Variants in MTAP observed in about 807,000 individuals in gnomAD.
The protein encoded by MTAP is S-methyl-5'-thioadenosine phosphorylase.
In MTAP, 33 loss-of-function variants were observed where a neutral mutation model predicts 33.6. The ratio of observed to expected loss-of-function variants is 0.98; its 90% CI spans 0.74 to 1.31. MTAP has a LOEUF of 1.31. MTAP is among the 40% of genes most tolerant of loss of function. The pLI is 0.00. For missense variants in MTAP, 367 were observed against 360.0 expected (o/e 1.02, Z -0.16); for synonymous variants, 148 against 125.7 (o/e 1.18, Z -1.19).
At chr9:21,874,031 T>A (rs1353436353) in intron 1 of MTAP, among the ~76,000 whole-genome samples, 1 of 152,154 alleles carries the variant, frequency 6.6e-6, no homozygotes, top group African/African-American at 2.4e-5. Flanking sequence ...CACATCGGAA[T>A]GTGATGATGT....
chr9:21,891,618 G>C (rs1163472204), intron 1 of MTAP, among the ~76,000 whole-genome samples: 1 of 152,136 alleles, frequency 6.6e-6, no homozygotes, highest in Non-Finnish European at 1.5e-5. Context: ...AAGAAATGTG[G>C]GGTTATATAA....
At chr9:21,819,710 C>T (rs1007655558) in intron 4 of MTAP, among the ~76,000 whole-genome samples, 5 of 152,144 alleles carry the variant, frequency 3.3e-5, no homozygotes, top group Non-Finnish European at 7.3e-5. Flanking sequence ...CATGAGAAAT[C>T]GCCACACTGT....
At chr9:21,906,968 A>G (rs928990043) in intron 1 of MTAP, among the ~76,000 whole-genome samples, 5 of 152,252 alleles carry the variant, frequency 3.3e-5, no homozygotes, top group African/African-American at 1.2e-4. Flanking sequence ...AAACTGAAAG[A>G]TGAACCCAGT....
intron 1 of MTAP, among the ~76,000 whole-genome samples, chr9:21,899,229 G>A (rs1460637408): frequency 1.9e-5 from 2 of 107,250 alleles, no homozygotes; most frequent in African/African-American, 7.4e-5. Context: ...ACCGGGGCCT[G>A]TTGTGGGGTG....
intron 4 of MTAP, among the ~76,000 whole-genome samples, chr9:21,826,691 A>C (rs940424478): frequency 6.6e-6 from 1 of 151,540 alleles, no homozygotes; most frequent in African/African-American, 2.4e-5. Context: ...TACCCCCCCA[A>C]AAAAACAACA....
chr9:21,813,840 T>C (rs941913897), intron 1 of MTAP: 2 of 152,212 alleles, frequency 1.3e-5, no homozygotes, highest in Non-Finnish European at 2.9e-5. Context: ...GAATGAAGGA[T>C]AAGATGGAGA....
intron 4 of MTAP, among the ~76,000 whole-genome samples, chr9:21,833,437 G>T (rs1473784019): frequency 6.6e-6 from 1 of 152,102 alleles, no homozygotes; most frequent in Non-Finnish European, 1.5e-5. Context: ...CACCCACCTT[G>T]GCCTCCTAAA....
intron 4 of MTAP, among the ~76,000 whole-genome samples, chr9:21,818,653 G>C (rs907043710): frequency 6.6e-6 from 1 of 152,006 alleles, no homozygotes; most frequent in Non-Finnish European, 1.5e-5. Context: ...GTGAGTTTTT[G>C]TTTTTTAATT....
At position 21,817,353 on chromosome 9, in the gene MTAP, G is replaced by A. The variant is rs950126461; in HGVS notation, c.179+581G>A. Among the ~76,000 whole-genome samples, 6 of 151,980 alleles carry A rather than the reference G, an allele frequency of 3.9e-5. No homozygotes were observed. In the East Asian group the frequency reaches 1.2e-3, roughly 30 times the overall value. On this transcript the variant is annotated intron_variant, in intron 3 of 7. Transcript: ENST00000644715. ...ACACATCATCTCCTAGTTCCTGTTG[G>A]TCAGAAGTCTGGCACAGCTTAGCCA...
At chr9:21,825,768 G>A (rs1288467178) in intron 4 of MTAP, among the ~76,000 whole-genome samples, 1 of 152,206 alleles carries the variant, frequency 6.6e-6, no homozygotes, top group Non-Finnish European at 1.5e-5. Flanking sequence ...TTGAGCCTGG[G>A]AGGTCAAGGC....
chr9:21,854,741 C>CACCTGGGGGGCGG lies in MTAP; in HGVS notation c.563_575dup (p.Val193LeufsTer18). On this transcript the variant is annotated frameshift_variant, in exon 6 of 8. Coordinates refer to ENST00000644715, the MANE Select transcript of MTAP (RefSeq NM_002451.4). LOFTEE classifies it high-confidence loss of function. ...CCCGGGCAGAAAGCTTCATGTTCCGCACCTGGGGGGCGGATGTTATCAACA... is the reference window on the plus strand; with the variant it reads ...CCCGGGCAGAAAGCTTCATGTTCCGCACCTGGGGGGCGGACCTGGGGGGCGGATGTTATCAACA... The CACCTGGGGGGCGG allele has an allele frequency of 6.2e-7, 1 of 1,614,090 alleles. No individual in the cohort carries two copies. The highest frequency in any genetic ancestry group is 8.5e-7 in the Non-Finnish European group (1 of 1,179,972).
Position 21,802,713 on chromosome 9 carries a change from G to T in MTAP, c.-36G>T, listed in dbSNP as rs746744850. On this transcript the variant is annotated 5_prime_UTR_variant, in exon 1 of 8. Transcript: ENST00000644715. ...GCTCGCTTGGTTCCCTTAGTCCCGA[G>T]CGCTCGCCCACTGCAGATTCCTTTC... The T allele has an allele frequency of 1.2e-6, 2 of 1,608,800 alleles. No individual in the cohort carries two copies. Among genetic ancestry groups the T allele is most frequent in the Non-Finnish European group, 1.7e-6 (2 of 1,178,332 alleles).
intron 5 of MTAP, among the ~76,000 whole-genome samples, chr9:21,852,574 C>T (rs901105993): frequency 7.3e-5 from 11 of 150,014 alleles, no homozygotes; most frequent in Non-Finnish European, 1.2e-4. Flanking sequence ...AGAGGAGAAT[C>T]AGGGATAAAA....
At chr9:21,872,962 C>CA (rs946581755) in intron 1 of MTAP, among the ~76,000 whole-genome samples, 8 of 152,086 alleles carry the variant, frequency 5.3e-5, no homozygotes, top group Non-Finnish European at 1.0e-4. Flanking sequence ...TGACAGACAC[C>CA]AAAAGTCCAC....
chr9:21,885,047 A>G (rs902676143), intron 1 of MTAP, among the ~76,000 whole-genome samples: 30 of 152,108 alleles, frequency 2.0e-4, no homozygotes, highest in Admixed American at 1.8e-3. Context: ...AACTATCTCA[A>G]TGTGATGATA....
chr9:21,906,481 A>G (rs1465317742), intron 1 of MTAP, among the ~76,000 whole-genome samples: 2 of 152,078 alleles, frequency 1.3e-5, no homozygotes, highest in African/African-American at 4.8e-5. Flanking sequence ...CAGAGAGGGG[A>G]GAGAGGAGGA....
chr9:21,884,522 T>G (rs1156856059), intron 1 of MTAP, among the ~76,000 whole-genome samples: 1 of 152,214 alleles, frequency 6.6e-6, no homozygotes, highest in African/African-American at 2.4e-5. Context: ...CTGGATGCCT[T>G]AAACAACAAA....
In MTAP at chr9:21,885,016, G is replaced by A. The variant is rs535234995; in HGVS notation, c.147+30146G>A. 3.9e-5 allele frequency among the ~76,000 whole-genome samples: 6 copies of A among 152,228 alleles called. No homozygotes were observed. The South Asian group carries it at 1.2e-3, about 32-fold the overall frequency. ...ATGATAGAGAAAGAATATATGGTGG[G>A]AAGGGCTTTCAGGGTACCGGAACTA... is the stretch of plus-strand genomic sequence containing the variant. On this transcript the variant is annotated intron_variant, in intron 1 of 1. Coordinates refer to the MTAP transcript ENST00000577563.
chr9:21,914,362 C>G (rs1017525801), intron 1 of MTAP, among the ~76,000 whole-genome samples: 1 of 152,068 alleles, frequency 6.6e-6, no homozygotes, highest in African/African-American at 2.4e-5. Flanking sequence ...TTCACAATAG[C>G]AAAGACTTGG....
Sources: gnomAD v4.1 joint callset for allele counts (sites outside exome capture counted in the v4.1 genomes callset) on GRCh38, gnomAD v4.1.1 for gene constraint, MANE v1.5 for transcripts, NCBI Gene and HGNC (gene_info 2026-07-23, HGNC 2026-07-21) for gene names.